Variants in CARMIL1 observed in about 807,000 individuals in gnomAD.
CARMIL1 encodes capping protein regulator and myosin 1 linker 1.
In CARMIL1, 90 loss-of-function variants were observed where a neutral mutation model predicts 177.1. That is an observed-to-expected ratio of 0.51 (90% CI 0.43 to 0.61). CARMIL1 has a LOEUF of 0.61. Among genes scored for constraint, CARMIL1 ranks in the 20% least tolerant of loss-of-function variants. The pLI is 0.00. For missense variants in CARMIL1, 1,380 were observed against 1,667.0 expected, an observed-to-expected ratio of 0.83 and a Z score of 3.00; for synonymous variants, 577 against 606.2, an observed-to-expected ratio of 0.95 and a Z score of 0.71.
At chr6:25,342,886 C>G (rs1039049470) in intron 2 of CARMIL1, among the ~76,000 whole-genome samples, 6 of 152,150 alleles carry the variant, frequency 3.9e-5, no homozygotes, top group African/African-American at 1.4e-4. Flanking sequence ...CAGCTGCACA[C>G]GTAGTTTACT....
intron 31 of CARMIL1, among the ~76,000 whole-genome samples, chr6:25,586,547 C>T (rs1813723056): frequency 6.6e-6 from 1 of 151,654 alleles, no homozygotes; most frequent in Non-Finnish European, 1.5e-5. Flanking sequence ...ACTTCCCAGA[C>T]GGGGTGGCGG....
At chr6:25,341,049 T>G (rs926042916) in intron 2 of CARMIL1, among the ~76,000 whole-genome samples, 2 of 152,138 alleles carry the variant, frequency 1.3e-5, no homozygotes, top group Admixed American at 6.5e-5. Flanking sequence ...TCTTAGCTCA[T>G]GTTAATATAC....
chr6:25,593,529 A>G (rs1171874064), intron 31 of CARMIL1, among the ~76,000 whole-genome samples: 1 of 152,216 alleles, frequency 6.6e-6, no homozygotes, highest in African/African-American at 2.4e-5. Context: ...CTCAAAAGTG[A>G]CTTAAACAAT....
At chr6:25,602,756 G>A (rs116617723) in intron 33 of CARMIL1, among the ~76,000 whole-genome samples, 1 of 152,000 alleles carries the variant, frequency 6.6e-6, no homozygotes, top group Non-Finnish European at 1.5e-5. Flanking sequence ...TAGCATCAAT[G>A]ATCAATATAC....
intron 2 of CARMIL1, among the ~76,000 whole-genome samples, chr6:25,341,315 C>T (rs370871487): frequency 3.3e-5 from 5 of 152,288 alleles, no homozygotes; most frequent in East Asian, 1.9e-4. Context: ...AAGAAGTGTT[C>T]AGAGTCATAA....
chr6:25,502,289 C>G (rs1042197224), intron 17 of CARMIL1, among the ~76,000 whole-genome samples: 1 of 150,260 alleles, frequency 6.7e-6, no homozygotes, highest in East Asian at 1.9e-4. Context: ...AGGCTGGGCG[C>G]GGTCAATGCC....
chr6:25,449,670 A>G (rs915383260), intron 5 of CARMIL1, among the ~76,000 whole-genome samples: 3 of 152,250 alleles, frequency 2.0e-5, no homozygotes, highest in African/African-American at 4.8e-5. Flanking sequence ...TGGAGACTGC[A>G]TTGCTAAATA....
chr6:25,446,762 T>C (rs1035672620), intron 5 of CARMIL1, among the ~76,000 whole-genome samples: 3 of 152,252 alleles, frequency 2.0e-5, no homozygotes, highest in African/African-American at 2.4e-5. Context: ...AGCTTGTTTC[T>C]AGCTTTTGAT....
At chr6:25,352,597 G>A (rs1788216853) in intron 2 of CARMIL1, among the ~76,000 whole-genome samples, 1 of 152,130 alleles carries the variant, frequency 6.6e-6, no homozygotes, top group Non-Finnish European at 1.5e-5. Context: ...ATGTAAGAGT[G>A]CACAGATTGG....
intron 2 of CARMIL1, among the ~76,000 whole-genome samples, chr6:25,335,420 A>G (rs1786108223): frequency 6.6e-6 from 1 of 152,232 alleles, no homozygotes. Context: ...TATATTCTGG[A>G]AAATGCTATT....
In CARMIL1 at chr6:25,610,942, C is replaced by G. The variant is rs554762133; in HGVS notation, c.3979+761C>G. ...TCTGAGCCCCACCTATAAGGAAATT[C>G]TGGAGCCACACAAGTCGTCTACACC... On this transcript the variant is annotated intron_variant, in intron 36 of 36. Coordinates refer to ENST00000329474, the MANE Select transcript of CARMIL1 (RefSeq NM_017640.6). Among the ~76,000 whole-genome samples the G allele has an allele frequency of 2.6e-4, 39 of 152,086 alleles. 1 individual carries two copies. Among genetic ancestry groups the G allele is most frequent in the Admixed American group, 2.6e-3 (39 of 15,270 alleles).
intron 2 of CARMIL1, among the ~76,000 whole-genome samples, chr6:25,379,431 A>G (rs966697972): frequency 1.3e-5 from 2 of 152,126 alleles, no homozygotes; most frequent in African/African-American, 4.8e-5. Flanking sequence ...GGAATTTTGA[A>G]TGTGACCATG....
At chr6:25,426,591 C>T in intron 4 of CARMIL1, 31 bp downstream of exon 4, 1 of 1,584,468 alleles carries the variant, frequency 6.3e-7, no homozygotes, top group Non-Finnish European at 8.6e-7. Flanking sequence ...ACTGCAAGAT[C>T]ATGATCTTTC....
intron 2 of CARMIL1, among the ~76,000 whole-genome samples, chr6:25,319,954 T>G (rs1784561476): frequency 6.6e-6 from 1 of 152,150 alleles, no homozygotes; most frequent in South Asian, 2.1e-4. Context: ...TAAGTACTGT[T>G]TACCCTGCCT....
At chr6:25,369,113 C>T (rs912732006) in intron 2 of CARMIL1, among the ~76,000 whole-genome samples, 3 of 152,138 alleles carry the variant, frequency 2.0e-5, no homozygotes, top group Admixed American at 6.5e-5. Flanking sequence ...CTTTTAGGCT[C>T]AAATTAGTTA....
intron 2 of CARMIL1, among the ~76,000 whole-genome samples, chr6:25,407,888 TCA>T (rs1472590558): frequency 6.6e-6 from 1 of 152,154 alleles, no homozygotes; most frequent in African/African-American, 2.4e-5. Flanking sequence ...CTAATGTGAA[TCA>T]CCTGGGGATT....
chr6:25,424,606 C>T (rs1796134717), intron 3 of CARMIL1, among the ~76,000 whole-genome samples: 3 of 152,070 alleles, frequency 2.0e-5, no homozygotes, highest in Non-Finnish European at 2.9e-5. Context: ...GTTATAGTAG[C>T]AAATGTTTTT....
chr6:25,366,341 T>C (rs1258295944), intron 2 of CARMIL1, among the ~76,000 whole-genome samples: 1 of 152,042 alleles, frequency 6.6e-6, no homozygotes, highest in South Asian at 2.1e-4. Context: ...TGGAAAACTT[T>C]CCTAAGATTT....
At chr6:25,332,902 A>G (rs2690077) in intron 2 of CARMIL1, among the ~76,000 whole-genome samples, 112,735 of 152,042 alleles carry the variant, frequency 0.74, 42,351 homozygotes, top group Non-Finnish European at 0.81. Context: ...CCTTTGTGCT[A>G]TAGTCTCCTG....
Sources: gnomAD v4.1 joint callset for allele counts (sites outside exome capture counted in the v4.1 genomes callset) on GRCh38, gnomAD v4.1.1 for gene constraint, MANE v1.5 for transcripts, NCBI Gene and HGNC (gene_info 2026-07-23, HGNC 2026-07-21) for gene names.